Variants in CACNA1B observed in about 807,000 individuals in gnomAD.
The protein encoded by CACNA1B is voltage-dependent N-type calcium channel subunit alpha-1B.
In CACNA1B, 70 loss-of-function variants were observed where a neutral mutation model predicts 247.2. That is an observed-to-expected ratio of 0.28 (90% CI 0.23 to 0.35). CACNA1B has a LOEUF of 0.35. Among genes scored for constraint, CACNA1B ranks in the 10% least tolerant of loss-of-function variants. The pLI is 1.00. For missense variants in CACNA1B, 2,367 were observed against 3,197.4 expected (o/e 0.74, Z 6.26); for synonymous variants, 1,231 against 1,294.4 (o/e 0.95, Z 1.05).
intron 38 of CACNA1B, among the ~76,000 whole-genome samples, chr9:138,103,706 G>T (rs750464278): frequency 6.6e-6 from 1 of 152,194 alleles, no homozygotes; most frequent in Admixed American, 6.5e-5. Flanking sequence ...TCCGGCAAAC[G>T]GCCTGTGGTT....
At chr9:137,992,021 A>G (rs1958437206) in intron 15 of CACNA1B, among the ~76,000 whole-genome samples, 1 of 152,204 alleles carries the variant, frequency 6.6e-6, no homozygotes. Flanking sequence ...CTCTATAACA[A>G]TAACAATGAA....
Position 138,010,196 on chromosome 9 carries a change from G to A in CACNA1B, c.2160+119G>A, listed in dbSNP as rs1419670674. ...TCCAGGAGCGTTGCCTTGGGTCCTGGCGGGCAGAGGCTGGTCTGTCACTCA... is the reference window on the plus strand; with the variant it reads ...TCCAGGAGCGTTGCCTTGGGTCCTGACGGGCAGAGGCTGGTCTGTCACTCA... On this transcript the variant is annotated intron_variant, in intron 17 of 46. Transcript: ENST00000371372. This position sits in a 1 kb window ranked among gnomAD's most constrained non-coding sequence, Gnocchi z 5.3. 1.4e-6 allele frequency: 1 copy of A among 730,548 alleles called. No homozygotes were observed. The highest frequency in any genetic ancestry group is 2.7e-5 in the East Asian group (1 of 36,826). The allele number at this position is 730,548 out of a possible 1,614,324, so 45.3% of individuals were successfully genotyped here.
intron 3 of CACNA1B, among the ~76,000 whole-genome samples, chr9:137,907,375 G>A (rs1957310826): frequency 6.6e-6 from 1 of 152,152 alleles, no homozygotes. Context: ...TGTGCCTGGG[G>A]TGTGGTTAGA....
intron 20 of CACNA1B, among the ~76,000 whole-genome samples, chr9:138,034,463 T>G (rs554977139): frequency 8.6e-5 from 13 of 151,868 alleles, no homozygotes; most frequent in Non-Finnish European, 1.6e-4. Context: ...TTTTTTTTTT[T>G]TTGGCTTGTG....
At chr9:138,035,033 C>G (rs1054454929) in intron 20 of CACNA1B, among the ~76,000 whole-genome samples, 1 of 152,238 alleles carries the variant, frequency 6.6e-6, no homozygotes, top group African/African-American at 2.4e-5. Context: ...CATCATGGTA[C>G]TTAGAACAGC....
intron 6 of CACNA1B, among the ~76,000 whole-genome samples, chr9:137,923,560 G>A (rs527803095): frequency 2.0e-4 from 30 of 152,232 alleles, no homozygotes; most frequent in Non-Finnish European, 4.1e-4. Flanking sequence ...ACCATGGCTT[G>A]TTTAACCGTT....
intron 31 of CACNA1B, chr9:138,068,637 GT>G: frequency 1.9e-6 from 1 of 518,854 alleles, no homozygotes; most frequent in Non-Finnish European, 3.8e-6. Context: ...ATCAAATACA[GT>G]GATGGAAACA....
rs781042872 is a variant in CACNA1B at position 138,121,756 on chromosome 9, C to T, written c.6777C>T (p.Tyr2259=). The T allele has an allele frequency of 1.9e-6, 3 of 1,613,350 alleles. No homozygotes were observed. Among genetic ancestry groups the T allele is most frequent in the Non-Finnish European group, 2.5e-6 (3 of 1,179,872 alleles). ...GCTCTCGAATTGGCTCTGACCCTTACCTGGGGCAGCGTCTGGACAGTGAGG... is the reference window on the plus strand; with the variant it reads ...GCTCTCGAATTGGCTCTGACCCTTATCTGGGGCAGCGTCTGGACAGTGAGG... ...APGSRIGSDP[Y]LGQRLDSEAS... is the part of the protein sequence containing the mutation. Residue 2259 remains tyrosine (Y), a synonymous_variant, in exon 47 of 47, where the codon TAC becomes TAT. Transcript: ENST00000371372. This position sits in a 1 kb window ranked among gnomAD's most constrained non-coding sequence, Gnocchi z 6.8.
chr9:138,060,472 T>C (rs1372272440), intron 31 of CACNA1B, among the ~76,000 whole-genome samples: 1 of 152,120 alleles, frequency 6.6e-6, no homozygotes, highest in Non-Finnish European at 1.5e-5. Context: ...CAAGTCCTGG[T>C]GGGTCAGTGT....
At chr9:137,979,554 T>C (rs1165492746) in intron 12 of CACNA1B, among the ~76,000 whole-genome samples, 2 of 152,176 alleles carry the variant, frequency 1.3e-5, no homozygotes, top group Admixed American at 6.5e-5. Flanking sequence ...GCAGGTATTA[T>C]GCAAGGATGT....
chr9:138,069,163 G>A (rs900799745), intron 31 of CACNA1B, among the ~76,000 whole-genome samples: 3 of 152,202 alleles, frequency 2.0e-5, no homozygotes, highest in African/African-American at 7.2e-5. Flanking sequence ...GACTGGTGGT[G>A]CTTTGTTTTG....
chr9:137,942,462 T>G (rs1957744163), intron 6 of CACNA1B, among the ~76,000 whole-genome samples: 1 of 152,194 alleles, frequency 6.6e-6, no homozygotes, highest in Non-Finnish European at 1.5e-5. Context: ...GATCCAGTAA[T>G]TTCACTAGTT....
At chr9:138,043,959 G>A (rs529207344) in intron 21 of CACNA1B, 59 bp downstream of exon 21, 117 of 1,586,754 alleles carry the variant, frequency 7.4e-5, no homozygotes, top group African/African-American at 2.3e-4. Flanking sequence ...ATCATGACCC[G>A]TGGGATCTCA....
Position 137,957,671 on chromosome 9 carries a change from A to C in CACNA1B, c.1317A>C (p.Ala439=). The C allele has an allele frequency of 6.3e-7, 1 of 1,599,038 alleles. No individual in the cohort carries two copies. Among genetic ancestry groups the C allele is most frequent in the Non-Finnish European group, 8.5e-7 (1 of 1,172,876 alleles). ...CAGAGGAGGGAGAGGACCGGTTTGC[A>C]GATCTCTGTGCTGTTGGTGAGTCTC... ...IHAEEGEDRF[A]DLCAVGSPFA... The change falls in exon 10 of 47, where the codon GCA becomes GCC. Residue 439 remains alanine (A), a synonymous_variant. Coordinates refer to ENST00000371372, the MANE Select transcript of CACNA1B (RefSeq NM_000718.4). The surrounding 1 kb of genome is among the most constrained non-coding windows in gnomAD (Gnocchi z 4.7).
At chr9:138,015,023 T>C (rs1958772881) in intron 18 of CACNA1B, among the ~76,000 whole-genome samples, 2 of 152,184 alleles carry the variant, frequency 1.3e-5, no homozygotes, top group South Asian at 4.1e-4. Context: ...CTGAGCACCA[T>C]GCTGATTCCT....
intron 15 of CACNA1B, among the ~76,000 whole-genome samples, chr9:138,002,324 T>G (rs1253421954): frequency 2.0e-5 from 3 of 152,118 alleles, no homozygotes; most frequent in African/African-American, 7.2e-5. Context: ...TGAAAAAAAT[T>G]GGATCATCAT....
intron 6 of CACNA1B, among the ~76,000 whole-genome samples, chr9:137,935,947 C>T (rs1412295917): frequency 6.6e-6 from 1 of 152,224 alleles, no homozygotes; most frequent in African/African-American, 2.4e-5. Flanking sequence ...GCCTCTGCCT[C>T]CTGGGTTCAC....
rs776376857 is a variant in CACNA1B, at chr9:138,121,571, C to G, written c.6592C>G (p.Arg2198Gly). 6.2e-7 allele frequency: 1 copy of G among 1,610,170 alleles called. No individual in the cohort carries two copies. Among genetic ancestry groups the G allele is most frequent in the East Asian group, 2.2e-5 (1 of 44,776 alleles). The change falls in exon 47 of 47, where the codon CGC becomes GGC. Residue 2198 changes from arginine to glycine, a missense_variant. By Grantham distance (125) the Arg-to-Gly change is moderately radical. This residue lies in a region of CACNA1B where 773 missense variants were observed against 779.4 expected (regional missense o/e 0.99). Transcript: ENST00000371372. This position sits in a 1 kb window ranked among gnomAD's most constrained non-coding sequence, Gnocchi z 6.8. ...GCTCCCCCAGACGCCCCTGACTCCC[C>G]GCCCCAGCATCACCTACAAGACGGC... ...RQLPQTPLTP[R>G]PSITYKTANS...
chr9:137,891,598 G>A lies in CACNA1B; in HGVS notation c.530+8715G>A, dbSNP rs1467977827. ...GTGGGAGCCTTGCTCCTGTGGGCAC[G>A]TGGTGGTGGACACCCCTTCCTGCTC... is the stretch of plus-strand genomic sequence containing the variant. On this transcript the variant is annotated intron_variant, in intron 3 of 46. Coordinates refer to ENST00000371372, the MANE Select transcript of CACNA1B (RefSeq NM_000718.4). The surrounding 1 kb of genome is among the most constrained non-coding windows in gnomAD (Gnocchi z 4.3). 5.2e-6 allele frequency: 1 copy of A among 194,142 alleles called. No homozygotes were observed. The highest frequency in any genetic ancestry group is 1.1e-5 in the Non-Finnish European group (1 of 95,018). 12.0% of individuals were successfully genotyped at this position (194,142 alleles called of 1,614,324 possible). A position where few individuals can be genotyped will look rare whatever the true frequency, so the allele number is the denominator to read the frequency against.
Sources: allele counts gnomAD v4.1 joint callset (sites outside exome capture counted in the v4.1 genomes callset), GRCh38; gene constraint gnomAD v4.1.1; regional missense constraint gnomAD v4.1.1; non-coding constraint Gnocchi (gnomAD v3.1); transcripts MANE v1.5; gene names NCBI Gene and HGNC (gene_info 2026-07-23, HGNC 2026-07-21).